The following ZNF529 variants were observed in gnomAD, a reference collection of about 807,000 sequenced individuals.
ZNF529 encodes zinc finger protein 529.
A neutral mutation model predicts 10.1 loss-of-function variants in ZNF529; 11 were observed. That is an observed-to-expected ratio of 1.09 (90% CI 0.69 to 1.81). The LOEUF is 1.81. Ranked by LOEUF, ZNF529 falls within the 40% of genes most tolerant of loss-of-function variation. The pLI is 0.00. For synonymous variants in ZNF529, 204 were observed against 215.7 expected (o/e 0.95, Z 0.47); for missense variants, 624 against 666.8 (o/e 0.94, Z 0.71).
In ZNF529 at chr19:36,548,236, T is replaced by C. The variant is rs368441382; in HGVS notation, c.322A>G (p.Ser108Gly). The change falls in exon 5 of 5, where the codon AGT (serine) becomes GGT (glycine). Residue 108 changes from serine (S) to glycine (G), a missense_variant. Coordinates refer to ENST00000591340, the MANE Select transcript of ZNF529 (RefSeq NM_020951.5). Reference sequence around the variant, plus strand: ...CCTTCAAGGCCACATAACTTGCTACTTTCCATTACCTCCCACTGAGAACCA... The same window carrying C: ...CCTTCAAGGCCACATAACTTGCTACCTTCCATTACCTCCCACTGAGAACCA... ...NTGSQWEVME[S>G]SKLCGLEGSI... 3.2e-5 allele frequency: 52 copies of C among 1,613,722 alleles called. No homozygotes were observed. In the African/African-American group the frequency reaches 6.4e-4, roughly 20 times the overall value.
exon 2 of ZNF529, chr19:36,589,645 A>G (rs1034203092): frequency 5.3e-5 from 8 of 152,110 alleles, no homozygotes; most frequent in African/African-American, 1.9e-4. Context: ...AAGCACTTCA[A>G]TGATTTCAGC....
intron 1 of ZNF529, among the ~76,000 whole-genome samples, chr19:36,598,802 T>A (rs1044728534): frequency 3.3e-5 from 5 of 152,200 alleles, no homozygotes; most frequent in African/African-American, 1.2e-4. Flanking sequence ...TCTATTTGTA[T>A]TGATGATGAA....
At chr19:36,548,746 C>T (rs1289008634) in intron 4 of ZNF529, among the ~76,000 whole-genome samples, 3 of 152,178 alleles carry the variant, frequency 2.0e-5, no homozygotes, top group African/African-American at 7.2e-5. Flanking sequence ...TTTGCCTGGG[C>T]GTGTTGGCTC....
At chr19:36,556,422 C>A (rs2035477425) in intron 2 of ZNF529, among the ~76,000 whole-genome samples, 1 of 152,192 alleles carries the variant, frequency 6.6e-6, no homozygotes, top group Non-Finnish European at 1.5e-5. Context: ...CATGGGGCTT[C>A]TTCACCACTT....
At chr19:36,571,666 ACT>A (rs1335529404) in intron 2 of ZNF529, among the ~76,000 whole-genome samples, 3 of 121,374 alleles carry the variant, frequency 2.5e-5, no homozygotes, top group African/African-American at 6.6e-5. Context: ...TAACAGTGAA[ACT>A]CTGTCTCAAA....
intron 1 of ZNF529, among the ~76,000 whole-genome samples, chr19:36,597,097 C>T (rs1210631708): frequency 6.6e-6 from 1 of 152,072 alleles, no homozygotes; most frequent in Non-Finnish European, 1.5e-5. Context: ...GTCTCAAACT[C>T]CTGGGCTCAG....
chr19:36,593,814 GTCAGTC>G (rs1412767258), intron 1 of ZNF529: 1 of 152,178 alleles, frequency 6.6e-6, no homozygotes, highest in African/African-American at 2.4e-5. Context: ...TTAAGAACTT[GTCAGTC>G]TTCCTCAGGG....
At chr19:36,550,525 AAC>A (rs961331869) in intron 4 of ZNF529, among the ~76,000 whole-genome samples, 5 of 152,152 alleles carry the variant, frequency 3.3e-5, no homozygotes, top group Admixed American at 6.5e-5. Context: ...CAGGCTGGGC[AAC>A]AGAGTGAGAC....
intron 2 of ZNF529, among the ~76,000 whole-genome samples, chr19:36,589,297 T>C (rs1166236104): frequency 6.6e-6 from 1 of 152,128 alleles, no homozygotes; most frequent in East Asian, 1.9e-4. Flanking sequence ...GATGGCAGTC[T>C]TGGGGACTGA....
intron 2 of ZNF529, chr19:36,582,577 CGCCGCCTGTAGTCCCA>C (rs2036489746): frequency 6.6e-6 from 1 of 151,552 alleles, no homozygotes; most frequent in South Asian, 2.1e-4. Context: ...TTGTGGCAGG[CGCCGCCTGTAGTCCCA>C]GCTACTCGGG....
At chr19:36,548,863 C>A (rs1048783229) in intron 4 of ZNF529, among the ~76,000 whole-genome samples, 3 of 152,052 alleles carry the variant, frequency 2.0e-5, no homozygotes, top group Non-Finnish European at 4.4e-5. Flanking sequence ...AACAGCTGGG[C>A]GTGATGGCAT....
chr19:36,592,685 A>G (rs1047535165), intron 1 of ZNF529, among the ~76,000 whole-genome samples: 1 of 152,108 alleles, frequency 6.6e-6, no homozygotes, highest in African/African-American at 2.4e-5. Context: ...CCACTAATAC[A>G]AGATTTAACA....
intron 4 of ZNF529, among the ~76,000 whole-genome samples, chr19:36,551,433 G>A (rs1159776725): frequency 6.6e-6 from 1 of 152,110 alleles, no homozygotes; most frequent in African/African-American, 2.4e-5. Context: ...TATTCATACA[G>A]CTGGACATCA....
chr19:36,549,825 T>C (rs887665875), intron 4 of ZNF529, among the ~76,000 whole-genome samples: 10 of 152,244 alleles, frequency 6.6e-5, no homozygotes, highest in Non-Finnish European at 4.4e-5. Flanking sequence ...CATTTTCTTA[T>C]AGCAAAAGTC....
chr19:36,596,057 CTTTTTTTTT>C (rs61695534), intron 1 of ZNF529, among the ~76,000 whole-genome samples: 1 of 68,618 alleles, frequency 1.5e-5, no homozygotes, highest in Non-Finnish European at 2.6e-5. Context: ...TCCTGAAGCT[CTTTTTTTTT>C]TTTTTTTTTT....
In ZNF529 at chr19:36,548,273, A is replaced by C. The variant is rs569880461; in HGVS notation, c.285T>G (p.Ile95Met). 1 of 1,610,508 alleles carries C rather than the reference A, an allele frequency of 6.2e-7. No individual in the cohort carries two copies. Among genetic ancestry groups the C allele is most frequent in the Non-Finnish European group, 8.5e-7 (1 of 1,178,074 alleles). Residue 95 changes from isoleucine (I) to methionine (M), a missense_variant, in exon 5 of 5, where the codon ATT becomes ATG. Transcript: ENST00000591340. ...ETKHLSVGKD[I>M]IQNTGSQWEV... is the part of the protein sequence containing the mutation. ...CCCACTGAGAACCAGTGTTTTGAAT[A>C]ATATCTTTTCCTACAGATAAATGCT...
At chr19:36,585,450 C>T (rs2036560106) in intron 2 of ZNF529, among the ~76,000 whole-genome samples, 2 of 152,168 alleles carry the variant, frequency 1.3e-5, no homozygotes, top group African/African-American at 4.8e-5. Flanking sequence ...TTGTGTATAT[C>T]CCTTAATGTT....
Position 36,545,755 on chromosome 19 carries a change from A to G in ZNF529, c.*1111T>C, listed in dbSNP as rs1392292017. The G allele has an allele frequency of 6.6e-6, 1 of 152,132 alleles. No individual in the cohort carries two copies. Among genetic ancestry groups the G allele is most frequent in the East Asian group, 1.9e-4 (1 of 5,198 alleles). The allele number at this position is 152,132 out of a possible 1,614,324, so 9.4% of individuals were successfully genotyped here. Reference sequence around the variant, plus strand: ...AAAACAATTGAAGCCATGTTAATATATAGTTGTAAATTCTCTTAATGTAAG... The same window carrying G: ...AAAACAATTGAAGCCATGTTAATATGTAGTTGTAAATTCTCTTAATGTAAG... On this transcript the variant is annotated 3_prime_UTR_variant, in exon 5 of 5. Transcript: ENST00000591340.
At chr19:36,603,288 G>A (rs377196038) in intron 1 of ZNF529, among the ~76,000 whole-genome samples, 1 of 152,160 alleles carries the variant, frequency 6.6e-6, no homozygotes, top group African/African-American at 2.4e-5. Flanking sequence ...GAGCACACAG[G>A]AGAAGTGAAC....
Sources: gnomAD v4.1 joint callset for allele counts (sites outside exome capture counted in the v4.1 genomes callset) on GRCh38, gnomAD v4.1.1 for gene constraint, MANE v1.5 for transcripts, NCBI Gene and HGNC (gene_info 2026-07-23, HGNC 2026-07-21) for gene names.